The following NR4A3 variants were observed in gnomAD, a reference collection of about 807,000 sequenced individuals.
NR4A3 encodes nuclear receptor subfamily 4 group A member 3.
A neutral mutation model predicts 55.6 loss-of-function variants in NR4A3; 13 were observed. The observed-to-expected ratio is 0.23, with a 90% CI of 0.15 to 0.37. The LOEUF (loss-of-function observed/expected upper bound fraction) is 0.37. NR4A3 is among the 10% of genes least tolerant of loss of function. The pLI is 1.00. For missense variants in NR4A3, 646 were observed against 822.8 expected (o/e 0.79, Z 2.63); for synonymous variants, 342 against 357.9 (o/e 0.96, Z 0.50).
chr9:99,846,090 T>C (rs1827748516), intron 6 of NR4A3, among the ~76,000 whole-genome samples: 1 of 152,210 alleles, frequency 6.6e-6, no homozygotes, highest in Non-Finnish European at 1.5e-5. Context: ...CAGTAGACAC[T>C]TGGCTGAGTG....
intron 5 of NR4A3, among the ~76,000 whole-genome samples, chr9:99,835,909 A>G (rs1258016461): frequency 1.3e-5 from 2 of 152,230 alleles, no homozygotes; most frequent in Non-Finnish European, 2.9e-5. Context: ...TCACATTGGT[A>G]CTACCTTTGG....
intron 5 of NR4A3, among the ~76,000 whole-genome samples, chr9:99,839,959 G>A (rs1455895572): frequency 6.6e-6 from 1 of 152,140 alleles, no homozygotes; most frequent in African/African-American, 2.4e-5. Context: ...GTATTCATTG[G>A]GTGAGGTTTT....
chr9:99,851,990 G>A (rs1418253282), intron 7 of NR4A3, among the ~76,000 whole-genome samples: 4 of 152,166 alleles, frequency 2.6e-5, no homozygotes, highest in African/African-American at 2.4e-5. Flanking sequence ...GCCAAGAAGT[G>A]GGCAGTCTAC....
At position 99,863,814 on chromosome 9, in the gene NR4A3, G is replaced by A. The variant is rs780556587; in HGVS notation, c.1828G>A (p.Val610Met). Reference protein sequence around the residue: ...RIFYLKLEDLVSPPSIIDKLF... With the variant: ...RIFYLKLEDLMSPPSIIDKLF... The stretch of plus-strand genomic sequence containing the variant: ...CTTCTACCTGAAGCTGGAAGACTTG[G>A]TGTCTCCACCTTCCATCATTGACAA... Residue 610 changes from valine to methionine, a missense_variant, in exon 8 of 8, where the codon GTG (valine) becomes ATG (methionine). Coordinates refer to ENST00000395097, the MANE Select transcript of NR4A3 (RefSeq NM_006981.4). The A allele has an allele frequency of 1.9e-6, 3 of 1,613,790 alleles. No homozygotes were observed. The highest frequency in any genetic ancestry group is 2.5e-6 in the Non-Finnish European group (3 of 1,179,932).
At chr9:99,849,970 T>C (rs1827820106) in intron 7 of NR4A3, among the ~76,000 whole-genome samples, 1 of 152,286 alleles carries the variant, frequency 6.6e-6, no homozygotes, top group Non-Finnish European at 1.5e-5. Context: ...CCTTTGTAAG[T>C]GCAGAGGATG....
chr9:99,832,113 T>G (rs777495973), intron 3 of NR4A3, among the ~76,000 whole-genome samples: 1 of 152,186 alleles, frequency 6.6e-6, no homozygotes, highest in Admixed American at 6.5e-5. Flanking sequence ...TTATCATATA[T>G]GGTCTTTAAA....
intron 7 of NR4A3, among the ~76,000 whole-genome samples, chr9:99,856,827 G>T (rs1298470001): frequency 6.6e-6 from 1 of 152,202 alleles, no homozygotes; most frequent in Non-Finnish European, 1.5e-5. Context: ...TTTCCAGCAA[G>T]TTCCCCAGTG....
chr9:99,835,975 G>A (rs1235717884), intron 5 of NR4A3, among the ~76,000 whole-genome samples: 1 of 152,168 alleles, frequency 6.6e-6, no homozygotes, highest in Non-Finnish European at 1.5e-5. Flanking sequence ...TTTGGAATCA[G>A]GTTGAACCTC....
intron 5 of NR4A3, chr9:99,834,066 T>C: frequency 9.6e-7 from 1 of 1,039,716 alleles, no homozygotes; most frequent in Non-Finnish European, 1.2e-6. Context: ...CAGAGGGGTG[T>C]TCTGAACACC....
At position 99,848,718 on chromosome 9, in the gene NR4A3, TTCTA is replaced by T. The variant is rs752135172; in HGVS notation, c.1633+1107_1633+1110del. Among the ~76,000 whole-genome samples, 10 of 152,374 alleles carry T rather than the reference TTCTA, an allele frequency of 6.6e-5. No homozygotes were observed. In the East Asian group the frequency reaches 1.9e-3, roughly 29 times the overall value. On this transcript the variant is annotated intron_variant, in intron 7 of 7. Coordinates refer to ENST00000395097, the MANE Select transcript of NR4A3 (RefSeq NM_006981.4). The stretch of plus-strand genomic sequence containing the variant: ...TGTCTCCCTCTATAGATCTCTCTCT[TTCTA>T]TCTTTTGGGAGATAAAGGATCCCAA...
intron 4 of NR4A3, 57 bp from the exon 5 acceptor site, chr9:99,833,225 A>C: frequency 6.5e-7 from 1 of 1,530,528 alleles, no homozygotes; most frequent in Non-Finnish European, 8.8e-7. Flanking sequence ...TTTGCGATTT[A>C]TGGTCGTTCA....
At chr9:99,847,749 A>ACCTAGT in intron 7 of NR4A3, 134 bp downstream of exon 7, 1 of 812,994 alleles carries the variant, frequency 1.2e-6, no homozygotes, top group Non-Finnish European at 1.9e-6. Context: ...TGTTAAGTTT[A>ACCTAGT]ACCTAGTTTA....
intron 7 of NR4A3, among the ~76,000 whole-genome samples, chr9:99,856,734 C>T (rs1358052498): frequency 6.6e-6 from 1 of 152,226 alleles, no homozygotes; most frequent in Non-Finnish European, 1.5e-5. Context: ...GCTTCTCCAG[C>T]ATTCACATCA....
rs16918735 is a variant in NR4A3, at chr9:99,825,294, T to G, written c.-176-365T>G. On this transcript the variant is annotated intron_variant, in intron 1 of 7. Transcript: ENST00000395097. This position sits in a 1 kb window ranked among gnomAD's most constrained non-coding sequence, Gnocchi z 5.0. Reference sequence around the variant, plus strand: ...GGCGGAGCTCGTTCCTCAAGTGTTCTGCTTTCTTTGGTTTTCCTGACTTCG... The same window carrying G: ...GGCGGAGCTCGTTCCTCAAGTGTTCGGCTTTCTTTGGTTTTCCTGACTTCG... Among the ~76,000 whole-genome samples the G allele has an allele frequency of 6.6e-6, 1 of 152,142 alleles. No homozygotes were observed. The highest frequency in any genetic ancestry group is 1.9e-4 in the East Asian group (1 of 5,188).
At chr9:99,858,713 C>T (rs1439604676) in intron 7 of NR4A3, among the ~76,000 whole-genome samples, 1 of 152,284 alleles carries the variant, frequency 6.6e-6, no homozygotes, top group Admixed American at 6.5e-5. Flanking sequence ...AAGAAAATAG[C>T]CCCGTGCTAA....
intron 5 of NR4A3, chr9:99,833,763 T>C: frequency 7.2e-7 from 1 of 1,391,766 alleles, no homozygotes; most frequent in Non-Finnish European, 9.4e-7. Context: ...TTTGTAGATT[T>C]ATCTCGTGAT....
At position 99,825,611 on chromosome 9, in the gene NR4A3, C is replaced by G. The variant is rs1827280241; in HGVS notation, c.-176-48C>G. 1 of 153,606 alleles carries G rather than the reference C, an allele frequency of 6.5e-6. No individual in the cohort carries two copies. The highest frequency in any genetic ancestry group is 1.5e-5 in the Non-Finnish European group (1 of 68,652). The allele number at this position is 153,606 out of a possible 1,614,324, so 9.5% of individuals were successfully genotyped here. ...TGCGCCCAGCCCGGGCCGTAGTGAC[C>G]CATCCTGGTCTCACTGTGACCTATG... is the stretch of plus-strand genomic sequence containing the variant. On this transcript the variant is annotated intron_variant, in intron 1 of 7. Transcript: ENST00000395097. This position sits in a 1 kb window ranked among gnomAD's most constrained non-coding sequence, Gnocchi z 5.0.
At chr9:99,823,042 C>G (rs1159272000) in intron 1 of NR4A3, among the ~76,000 whole-genome samples, 1 of 152,232 alleles carries the variant, frequency 6.6e-6, no homozygotes, top group Non-Finnish European at 1.5e-5. Flanking sequence ...CTAGGCACGT[C>G]TGCCTGTCGT....
intron 5 of NR4A3, among the ~76,000 whole-genome samples, chr9:99,836,647 A>G (rs146565869): frequency 6.6e-6 from 1 of 152,372 alleles, no homozygotes; most frequent in African/African-American, 2.4e-5. Context: ...AGACAGATCT[A>G]GAGAGAGGAG....
Sources: gnomAD v4.1 joint callset for allele counts (sites outside exome capture counted in the v4.1 genomes callset) on GRCh38, gnomAD v4.1.1 for gene constraint, Gnocchi (gnomAD v3.1) non-coding constraint, MANE v1.5 for transcripts, NCBI Gene and HGNC (gene_info 2026-07-23, HGNC 2026-07-21) for gene names.